Variants in TENT5D observed in about 807,000 individuals in gnomAD.
TENT5D encodes the protein terminal nucleotidyltransferase 5D, also known as cancer/testis antigen 112.
For synonymous variants in TENT5D, 103 were observed against 100.6 expected, an observed-to-expected ratio of 1.02 and a Z score of -0.15; for missense variants, 191 against 287.0, an observed-to-expected ratio of 0.67 and a Z score of 2.42.
At chrX:80,391,866 G>A (rs995134788) in intron 3 of TENT5D, among the ~76,000 whole-genome samples, 2 of 112,586 alleles carry the variant, frequency 1.8e-5, no homozygotes, top group Non-Finnish European at 3.8e-5. Context: ...TTGAGGTGCC[G>A]CTAGGCACTA....
chrX:80,364,493 T>G (rs1001048295), intron 3 of TENT5D, among the ~76,000 whole-genome samples: 6 of 111,182 alleles, frequency 5.4e-5, no homozygotes, highest in African/African-American at 1.6e-4. Flanking sequence ...TACTGAAAAC[T>G]ACTCATTGGG....
intron 3 of TENT5D, among the ~76,000 whole-genome samples, chrX:80,358,324 TTAAAC>T (rs1930331359): frequency 1.8e-5 from 2 of 111,528 alleles, no homozygotes; most frequent in Admixed American, 9.5e-5. Context: ...TGGGATCTAA[TTAAAC>T]TAAAGAGCTT....
At chrX:80,361,412 T>G (rs1320066830) in intron 3 of TENT5D, among the ~76,000 whole-genome samples, 1 of 112,470 alleles carries the variant, frequency 8.9e-6, no homozygotes, top group Non-Finnish European at 1.9e-5. Flanking sequence ...ATTGTGACTT[T>G]GTAAAACATA....
At chrX:80,337,908 G>A (rs929031053) in intron 2 of TENT5D, among the ~76,000 whole-genome samples, 7 of 110,537 alleles carry the variant, frequency 6.3e-5, no homozygotes, top group African/African-American at 2.3e-4. Context: ...GGGACTACAG[G>A]CCCACGCCGC....
chrX:80,386,947 A>AG (rs1183858794), intron 3 of TENT5D, among the ~76,000 whole-genome samples: 1 of 112,150 alleles, frequency 8.9e-6, no homozygotes, highest in Non-Finnish European at 1.9e-5. Flanking sequence ...AACCAGCCTC[A>AG]GTCATTTGTA....
intron 3 of TENT5D, among the ~76,000 whole-genome samples, chrX:80,404,934 A>C (rs1931452759): frequency 8.9e-6 from 1 of 112,389 alleles, no homozygotes; most frequent in Admixed American, 9.4e-5. Flanking sequence ...AATAAAACAT[A>C]AATCTGTTAG....
At chrX:80,408,506 G>T (rs1931557444) in intron 3 of TENT5D, among the ~76,000 whole-genome samples, 1 of 109,307 alleles carries the variant, frequency 9.1e-6, no homozygotes, top group South Asian at 4.0e-4. Context: ...AGAAGAAATG[G>T]ATAAATTCCT....
At chrX:80,382,629 G>A (rs1157881037) in intron 3 of TENT5D, among the ~76,000 whole-genome samples, 1 of 111,184 alleles carries the variant, frequency 9.0e-6, no homozygotes, top group Non-Finnish European at 1.9e-5. Context: ...AGGCCTCCTT[G>A]AGCTGTGGTG....
intron 1 of TENT5D, among the ~76,000 whole-genome samples, chrX:80,432,170 A>T (rs1159069513): frequency 9.0e-6 from 1 of 111,320 alleles, no homozygotes; most frequent in East Asian, 2.8e-4. Context: ...TAGTTGCAAA[A>T]AACAAAAAAA....
At chrX:80,418,269 C>T (rs1361747871), upstream of TENT5D, among the ~76,000 whole-genome samples, 1 of 110,204 alleles carries the variant, frequency 9.1e-6, no homozygotes, top group Non-Finnish European at 1.9e-5. Flanking sequence ...CCTACCTCAG[C>T]CTCCCAAATT....
At chrX:80,435,081 C>T (rs1932159826) in intron 1 of TENT5D, among the ~76,000 whole-genome samples, 1 of 111,241 alleles carries the variant, frequency 9.0e-6, no homozygotes, top group Non-Finnish European at 1.9e-5. Flanking sequence ...CCGCGCCCAG[C>T]CCCCTTCTGA....
chrX:80,399,416 C>T (rs2147544601), intron 3 of TENT5D, among the ~76,000 whole-genome samples: 1 of 112,119 alleles, frequency 8.9e-6, no homozygotes, highest in South Asian at 3.7e-4. Context: ...AATAAATTGA[C>T]TATAGATATG....
intron 3 of TENT5D, among the ~76,000 whole-genome samples, chrX:80,373,501 G>A (rs978654748): frequency 8.1e-5 from 9 of 111,446 alleles, no homozygotes; most frequent in Non-Finnish European, 1.3e-4. Flanking sequence ...ATTAATTAGC[G>A]TCATTTCCAT....
intron 3 of TENT5D, among the ~76,000 whole-genome samples, chrX:80,381,555 C>T (rs1281719755): frequency 8.9e-6 from 1 of 111,991 alleles, no homozygotes; most frequent in African/African-American, 3.3e-5. Context: ...TGAGTGTTTT[C>T]CAGCTTGGTT....
intron 3 of TENT5D, among the ~76,000 whole-genome samples, chrX:80,411,256 A>G (rs1252939411): frequency 9.0e-6 from 1 of 111,071 alleles, no homozygotes; most frequent in Non-Finnish European, 1.9e-5. Context: ...AAAAAAAAAG[A>G]AAGAAAATTT....
intron 3 of TENT5D, among the ~76,000 whole-genome samples, chrX:80,390,711 G>A (rs1931107140): frequency 9.0e-6 from 1 of 111,141 alleles, no homozygotes; most frequent in Non-Finnish European, 1.9e-5. Flanking sequence ...TGGAAATTGT[G>A]ATAATGGAGG....
intron 2 of TENT5D, chrX:80,342,404 A>G (rs1449907710): frequency 1.8e-5 from 2 of 112,199 alleles, no homozygotes; most frequent in East Asian, 2.8e-4. Flanking sequence ...CAACTGTCCC[A>G]TTTCTAAGTC....
intron 3 of TENT5D, among the ~76,000 whole-genome samples, chrX:80,378,164 A>G (rs1377750429): frequency 8.9e-6 from 1 of 111,875 alleles, no homozygotes. Context: ...AGATTGCAAA[A>G]ATGGTCTCCC....
At chrX:80,376,658 T>C (rs144895760) in intron 3 of TENT5D, among the ~76,000 whole-genome samples, 1,595 of 111,631 alleles carry the variant, frequency 0.014, 16 homozygotes, top group Non-Finnish European at 0.023. Context: ...TGTAGGTTTT[T>C]CTTGCTGAGT....
Sources: gnomAD v4.1 joint callset for allele counts (sites outside exome capture counted in the v4.1 genomes callset) on GRCh38, gnomAD v4.1.1 for gene constraint, MANE v1.5 for transcripts, NCBI Gene and HGNC (gene_info 2026-07-23, HGNC 2026-07-21) for gene names.